Variants in NR3C2 observed in about 807,000 individuals in gnomAD.
NR3C2 encodes the protein mineralocorticoid receptor.
Under a neutral mutation model 86.4 loss-of-function variants are expected in NR3C2, and 15 were observed. That is an observed-to-expected ratio of 0.17 (90% CI 0.12 to 0.27). The LOEUF (loss-of-function observed/expected upper bound fraction) is 0.27, where lower values mean the gene tolerates loss of function less well. Ranked by LOEUF, NR3C2 falls within the 10% of genes least tolerant of loss-of-function variation. The pLI is 1.00. For synonymous variants in NR3C2, 458 were observed against 450.5 expected (o/e 1.02, Z -0.21); for missense variants, 960 against 1,195.6 (o/e 0.80, Z 2.91).
At chr4:148,092,058 C>T (rs1259970830) in intron 8 of NR3C2, among the ~76,000 whole-genome samples, 3 of 152,166 alleles carry the variant, frequency 2.0e-5, no homozygotes, top group Non-Finnish European at 2.9e-5. Context: ...GCACAGCTCT[C>T]CCGGGGATGC....
At chr4:148,229,199 A>C (rs1236866285) in intron 3 of NR3C2, among the ~76,000 whole-genome samples, 2 of 152,186 alleles carry the variant, frequency 1.3e-5, no homozygotes, top group Non-Finnish European at 2.9e-5. Context: ...GCCCACATGC[A>C]AGCTTGGACA....
At chr4:148,344,858 T>C (rs1237990899) in intron 2 of NR3C2, among the ~76,000 whole-genome samples, 1 of 152,180 alleles carries the variant, frequency 6.6e-6, no homozygotes, top group African/African-American at 2.4e-5. Context: ...AACTATCCTG[T>C]TCCTTTAAAC....
chr4:148,361,512 T>C (rs1361053647), intron 2 of NR3C2, among the ~76,000 whole-genome samples: 1 of 152,182 alleles, frequency 6.6e-6, no homozygotes, highest in Non-Finnish European at 1.5e-5. Context: ...GCCTCTGAGA[T>C]TGTCCTTTTC....
chr4:148,409,019 T>G (rs1158323029), intron 2 of NR3C2, among the ~76,000 whole-genome samples: 1 of 152,196 alleles, frequency 6.6e-6, no homozygotes, highest in Non-Finnish European at 1.5e-5. Flanking sequence ...TTCTAGGTCT[T>G]GCTAATACTG....
At chr4:148,293,207 C>A (rs768323991) in intron 2 of NR3C2, among the ~76,000 whole-genome samples, 1 of 152,080 alleles carries the variant, frequency 6.6e-6, no homozygotes, top group Non-Finnish European at 1.5e-5. Context: ...TGACCACAGG[C>A]AAAATCAAAC....
At chr4:148,288,727 G>A (rs1164481302) in intron 2 of NR3C2, among the ~76,000 whole-genome samples, 6 of 152,138 alleles carry the variant, frequency 3.9e-5, no homozygotes, top group African/African-American at 1.4e-4. Context: ...TGTGCCAAAC[G>A]CTGGAATTCA....
intron 4 of NR3C2, among the ~76,000 whole-genome samples, chr4:148,171,209 A>G (rs1735108648): frequency 6.6e-6 from 1 of 151,876 alleles, no homozygotes; most frequent in East Asian, 1.9e-4. Flanking sequence ...AAAGGTCCAC[A>G]CCCCTAGGTT....
chr4:148,101,775 GA>G (rs1731548941), intron 8 of NR3C2, among the ~76,000 whole-genome samples: 1 of 151,934 alleles, frequency 6.6e-6, no homozygotes, highest in Non-Finnish European at 1.5e-5. Context: ...AACCACATTC[GA>G]ACTGCTCACT....
chr4:148,211,131 T>A (rs1208608357), intron 3 of NR3C2, among the ~76,000 whole-genome samples: 1 of 152,234 alleles, frequency 6.6e-6, no homozygotes, highest in Non-Finnish European at 1.5e-5. Context: ...CATAAGAGTC[T>A]TAAGTTGCAA....
At chr4:148,258,595 T>G (rs967096360) in intron 3 of NR3C2, among the ~76,000 whole-genome samples, 1 of 152,206 alleles carries the variant, frequency 6.6e-6, no homozygotes, top group Non-Finnish European at 1.5e-5. Flanking sequence ...AAGTTCAATC[T>G]GAGGAGATTC....
chr4:148,339,579 AC>A (rs1744654080), intron 2 of NR3C2, among the ~76,000 whole-genome samples: 1 of 152,204 alleles, frequency 6.6e-6, no homozygotes, highest in African/African-American at 2.4e-5. Context: ...CATAATTACA[AC>A]TTAAAATGCA....
intron 8 of NR3C2, among the ~76,000 whole-genome samples, chr4:148,096,670 G>T (rs1262434301): frequency 6.6e-6 from 1 of 151,902 alleles, no homozygotes; most frequent in Non-Finnish European, 1.5e-5. Context: ...CCATGTTTGT[G>T]TTTTTTATAC....
At chr4:148,338,760 T>A (rs1744611266) in intron 2 of NR3C2, among the ~76,000 whole-genome samples, 1 of 152,158 alleles carries the variant, frequency 6.6e-6, no homozygotes, top group South Asian at 2.1e-4. Context: ...AAAGGAATAG[T>A]CTGATCCTTC....
intron 3 of NR3C2, among the ~76,000 whole-genome samples, chr4:148,212,586 G>A (rs1159048879): frequency 1.3e-5 from 2 of 152,120 alleles, no homozygotes; most frequent in Non-Finnish European, 2.9e-5. Flanking sequence ...TGTCCCAGAG[G>A]GGTCATTAGC....
chr4:148,156,448 C>A (rs1264105505), intron 4 of NR3C2, among the ~76,000 whole-genome samples: 1 of 152,100 alleles, frequency 6.6e-6, no homozygotes, highest in Non-Finnish European at 1.5e-5. Flanking sequence ...AAAAAGTGGG[C>A]AAAGGATATG....
intron 2 of NR3C2, among the ~76,000 whole-genome samples, chr4:148,281,942 C>G (rs1741267445): frequency 2.0e-5 from 3 of 152,200 alleles, no homozygotes; most frequent in Admixed American, 2.0e-4. Flanking sequence ...ATTGCAGAGG[C>G]AGTGATACTT....
At chr4:148,196,330 G>A (rs1374483915) in intron 3 of NR3C2, among the ~76,000 whole-genome samples, 1 of 152,210 alleles carries the variant, frequency 6.6e-6, no homozygotes, top group Admixed American at 6.5e-5. Flanking sequence ...AGTTAGAGAA[G>A]CCTGATCAGC....
chr4:148,417,444 G>A (rs920710465), intron 2 of NR3C2, among the ~76,000 whole-genome samples: 1 of 152,156 alleles, frequency 6.6e-6, no homozygotes, highest in Non-Finnish European at 1.5e-5. Context: ...ATTATCTAGT[G>A]TATGGTGTTG....
At position 148,313,446 on chromosome 4, in the gene NR3C2, C is replaced by G. The variant is rs375577110; in HGVS notation, c.1758-53329G>C. ...GACCTTTTATCAATTGAAAAATCTC[C>G]TTTAATGTTTTGTAAGCTAAAAACT... On this transcript the variant is annotated intron_variant, in intron 2 of 8. Transcript: ENST00000358102. Among the ~76,000 whole-genome samples the G allele has an allele frequency of 2.0e-5, 3 of 152,244 alleles. No individual in the cohort carries two copies. In the East Asian group the frequency reaches 5.8e-4, roughly 29 times the overall value.
Sources: allele counts gnomAD v4.1 joint callset (sites outside exome capture counted in the v4.1 genomes callset), GRCh38; gene constraint gnomAD v4.1.1; transcripts MANE v1.5; gene names NCBI Gene and HGNC (gene_info 2026-07-23, HGNC 2026-07-21).